The following ADCY1 variants were observed in gnomAD, a reference collection of about 807,000 sequenced individuals.
The protein encoded by ADCY1 is adenylate cyclase type 1.
In ADCY1, 28 loss-of-function variants were observed where a neutral mutation model predicts 105.4. The ratio of observed to expected loss-of-function variants is 0.27; its 90% CI spans 0.20 to 0.36. The LOEUF is 0.36. ADCY1 is among the 10% of genes least tolerant of loss of function. The pLI, the probability that ADCY1 is intolerant of heterozygous loss-of-function variation, is 1.00. For missense variants in ADCY1, 977 were observed against 1,434.2 expected (o/e 0.68, Z 5.15); for synonymous variants, 655 against 623.8 (o/e 1.05, Z -0.75).
chr7:45,601,457 A>C (rs1386022192), intron 2 of ADCY1, among the ~76,000 whole-genome samples: 1 of 152,046 alleles, frequency 6.6e-6, no homozygotes, highest in Non-Finnish European at 1.5e-5. Flanking sequence ...TGCTCCTCTG[A>C]TCAGGGCCTG....
chr7:45,664,902 G>A (rs930275043), intron 8 of ADCY1, among the ~76,000 whole-genome samples: 7 of 152,070 alleles, frequency 4.6e-5, no homozygotes, highest in African/African-American at 1.7e-4. Flanking sequence ...CATGCATTAG[G>A]TATTTGTCCT....
At chr7:45,655,075 G>C (rs1794902678) in intron 5 of ADCY1, among the ~76,000 whole-genome samples, 1 of 152,112 alleles carries the variant, frequency 6.6e-6, no homozygotes, top group Non-Finnish European at 1.5e-5. Context: ...TTTTCCCCCT[G>C]TTATGTGCAC....
chr7:45,630,195 C>A (rs980946266), intron 4 of ADCY1, among the ~76,000 whole-genome samples: 6 of 151,870 alleles, frequency 4.0e-5, no homozygotes, highest in Admixed American at 6.6e-5. Flanking sequence ...ATATATGATC[C>A]CTGAGACTTT....
At chr7:45,675,351 T>C (rs7783816) in intron 8 of ADCY1, among the ~76,000 whole-genome samples, 5,555 of 152,228 alleles carry the variant, frequency 0.036, 116 homozygotes, top group East Asian at 0.065. Context: ...GTCATAAATA[T>C]TTCCTCTATA....
chr7:45,631,431 T>C (rs1328458095), intron 4 of ADCY1, among the ~76,000 whole-genome samples: 3 of 152,266 alleles, frequency 2.0e-5, no homozygotes, highest in African/African-American at 7.2e-5. Context: ...TACGGGCATA[T>C]GTAAGGAGAA....
chr7:45,578,673 G>T (rs1792423226), intron 1 of ADCY1, among the ~76,000 whole-genome samples: 1 of 152,206 alleles, frequency 6.6e-6, no homozygotes, highest in African/African-American at 2.4e-5. Context: ...AGGGGGGCCT[G>T]GGCAGGGCCC....
At chr7:45,704,370 T>A (rs1321870722) in intron 16 of ADCY1, 148 bp from the exon 17 acceptor site, 2 of 650,270 alleles carry the variant, frequency 3.1e-6, no homozygotes, top group South Asian at 3.7e-5. Context: ...GCCAGTGTAG[T>A]CCTAGAACTT....
At chr7:45,634,211 G>T (rs540015292) in intron 4 of ADCY1, among the ~76,000 whole-genome samples, 1 of 152,012 alleles carries the variant, frequency 6.6e-6, no homozygotes, top group African/African-American at 2.4e-5. Context: ...TTTCCCGCTT[G>T]GGTGCCTTTT....
intron 17 of ADCY1, among the ~76,000 whole-genome samples, chr7:45,706,967 T>C (rs1204982209): frequency 1.3e-5 from 2 of 152,214 alleles, no homozygotes; most frequent in Non-Finnish European, 2.9e-5. Context: ...CTCAGCATTG[T>C]ATGTTTTTAG....
At chr7:45,687,983 C>T (rs144875547) in intron 14 of ADCY1, among the ~76,000 whole-genome samples, 190 of 152,328 alleles carry the variant, frequency 1.2e-3, no homozygotes, top group African/African-American at 4.3e-3. Context: ...GAAGCGTGGC[C>T]AGGACCAGCT....
intron 2 of ADCY1, among the ~76,000 whole-genome samples, chr7:45,607,294 C>G (rs1793402853): frequency 6.6e-6 from 1 of 152,150 alleles, no homozygotes; most frequent in South Asian, 2.1e-4. Context: ...ATGAAACCCT[C>G]AGCTGTCTCC....
chr7:45,700,241 A>T (rs1018221893), intron 14 of ADCY1, among the ~76,000 whole-genome samples: 1 of 152,174 alleles, frequency 6.6e-6, no homozygotes, highest in South Asian at 2.1e-4. Context: ...CTCAGGATTC[A>T]TCCGTCCTTG....
At chr7:45,650,305 C>T (rs1473534415) in intron 5 of ADCY1, among the ~76,000 whole-genome samples, 2 of 152,094 alleles carry the variant, frequency 1.3e-5, no homozygotes, top group Non-Finnish European at 1.5e-5. Flanking sequence ...TAATGGATCA[C>T]ATCATATCAC....
At chr7:45,590,039 A>G (rs1426221516) in intron 1 of ADCY1, among the ~76,000 whole-genome samples, 1 of 152,116 alleles carries the variant, frequency 6.6e-6, no homozygotes, top group East Asian at 1.9e-4. Context: ...CCTCTGAGAA[A>G]GGGTTCCTTG....
At chr7:45,674,282 T>A (rs1255124166) in intron 8 of ADCY1, among the ~76,000 whole-genome samples, 2 of 152,168 alleles carry the variant, frequency 1.3e-5, no homozygotes, top group Admixed American at 1.3e-4. Context: ...CAATTAGATC[T>A]TGTTTGATGA....
chr7:45,604,905 A>C (rs1396660418), intron 2 of ADCY1, among the ~76,000 whole-genome samples: 1 of 152,206 alleles, frequency 6.6e-6, no homozygotes, highest in Non-Finnish European at 1.5e-5. Flanking sequence ...CTGTATATCA[A>C]TTTGGAGAGG....
intron 1 of ADCY1, among the ~76,000 whole-genome samples, chr7:45,583,524 GAC>G (rs1792624849): frequency 1.3e-5 from 2 of 152,200 alleles, no homozygotes; most frequent in Non-Finnish European, 2.9e-5. Flanking sequence ...CTCCCAAGTA[GAC>G]TCTTCTCTGA....
intron 5 of ADCY1, among the ~76,000 whole-genome samples, chr7:45,656,502 G>T (rs1288515574): frequency 3.9e-5 from 6 of 152,218 alleles, no homozygotes; most frequent in Non-Finnish European, 8.8e-5. Context: ...GGGCCTCCAT[G>T]TGCTATGGTT....
intron 3 of ADCY1, among the ~76,000 whole-genome samples, chr7:45,613,559 C>T (rs1035331215): frequency 6.6e-6 from 1 of 151,948 alleles, no homozygotes; most frequent in African/African-American, 2.4e-5. Flanking sequence ...ATATTTTCAT[C>T]ATATATTACA....
Sources: gnomAD v4.1 joint callset for allele counts (sites outside exome capture counted in the v4.1 genomes callset) on GRCh38, gnomAD v4.1.1 for gene constraint, MANE v1.5 for transcripts, NCBI Gene and HGNC (gene_info 2026-07-23, HGNC 2026-07-21) for gene names.